Variants in KIF3B observed in about 807,000 individuals in gnomAD.
KIF3B encodes the protein kinesin-like protein KIF3B.
A neutral mutation model predicts 74.3 loss-of-function variants in KIF3B; 38 were observed. That is an observed-to-expected ratio of 0.51 (90% confidence interval 0.39 to 0.67). The LOEUF (loss-of-function observed/expected upper bound fraction) is 0.67, where lower values mean the gene tolerates loss of function less well. Among genes scored for constraint, KIF3B ranks in the 30% least tolerant of loss-of-function variants. The pLI is 0.00. For synonymous variants in KIF3B, 326 were observed against 342.5 expected, an observed-to-expected ratio of 0.95 and a Z score of 0.53; for missense variants, 649 against 932.0, an observed-to-expected ratio of 0.70 and a Z score of 3.95.
intron 1 of KIF3B, among the ~76,000 whole-genome samples, chr20:32,308,082 A>G (rs1476079266): frequency 6.6e-6 from 1 of 151,660 alleles, no homozygotes; most frequent in African/African-American, 2.4e-5. Flanking sequence ...TAAAAATACA[A>G]AAAATTAGCC....
At chr20:32,291,455 GA>G (rs2047690865) in intron 1 of KIF3B, among the ~76,000 whole-genome samples, 1 of 151,874 alleles carries the variant, frequency 6.6e-6, no homozygotes, top group South Asian at 2.1e-4. Flanking sequence ...CCCCACCCCT[GA>G]AAAAGATCCC....
intron 1 of KIF3B, among the ~76,000 whole-genome samples, chr20:32,287,946 A>C (rs1310627213): frequency 8.1e-6 from 1 of 123,002 alleles, no homozygotes; most frequent in Non-Finnish European, 1.6e-5. Context: ...GCAGTGGTGC[A>C]GTCTCAGCTC....
intron 1 of KIF3B, among the ~76,000 whole-genome samples, chr20:32,286,483 A>C (rs1228780475): frequency 6.6e-6 from 1 of 152,236 alleles, no homozygotes; most frequent in East Asian, 1.9e-4. Context: ...CTGGTTTTGC[A>C]AGATCTGCAA....
intron 1 of KIF3B, among the ~76,000 whole-genome samples, chr20:32,303,025 C>T (rs1041762603): frequency 1.3e-5 from 2 of 152,116 alleles, no homozygotes; most frequent in African/African-American, 2.4e-5. Context: ...CATTAACCAT[C>T]GTAGTGTTAG....
intron 1 of KIF3B, among the ~76,000 whole-genome samples, chr20:32,305,876 C>T: frequency 6.6e-6 from 1 of 151,660 alleles, no homozygotes; most frequent in East Asian, 1.9e-4. Flanking sequence ...GCCACCACAC[C>T]TGGCTCCATT....
rs903404740 is a variant in KIF3B at position 32,294,520 on chromosome 20, G to T, written c.-65-15193G>T. ...GAAAGCAAAAAAATAGCCTGCAGGC[G>T]CACCACCCTAGAGGTCAATATTACC... On this transcript the variant is annotated intron_variant, in intron 1 of 8. Coordinates refer to ENST00000375712, the MANE Select transcript of KIF3B (RefSeq NM_004798.4). Among the ~76,000 whole-genome samples, 5 of 152,228 alleles carry T rather than the reference G, an allele frequency of 3.3e-5. No homozygotes were observed. The South Asian group carries it at 6.2e-4, about 19-fold the overall frequency.
At position 32,316,572 on chromosome 20, in the gene KIF3B, GA is replaced by G; in HGVS notation, c.1553del (p.Glu518GlyfsTer34). ...CCAGCAACAGATGGAAAGTCGAGAT[GA>G]GGAGACCTTGGAACTTAAAGAGACA... Reference protein sequence around the residue: ...EIQQQMESRDEETLELKETYS... With the variant: ...EIQQQMESRDXETLELKETYS... On this transcript the variant is annotated frameshift_variant, in exon 4 of 9. Coordinates refer to ENST00000375712, the MANE Select transcript of KIF3B (RefSeq NM_004798.4). LOFTEE classifies it high-confidence loss of function. 1 of 1,614,082 alleles carries G rather than the reference GA, an allele frequency of 6.2e-7. No homozygotes were observed. Among genetic ancestry groups the G allele is most frequent in the Non-Finnish European group, 8.5e-7 (1 of 1,180,006 alleles).
At chr20:32,281,053 A>G (rs1216677724) in intron 1 of KIF3B, among the ~76,000 whole-genome samples, 1 of 152,192 alleles carries the variant, frequency 6.6e-6, no homozygotes, top group Non-Finnish European at 1.5e-5. Flanking sequence ...CTTTTCATCC[A>G]TTAATTCGCA....
intron 5 of KIF3B, among the ~76,000 whole-genome samples, chr20:32,324,156 G>C (rs951500019): frequency 6.6e-6 from 1 of 151,940 alleles, no homozygotes; most frequent in East Asian, 1.9e-4. Flanking sequence ...GGATTTGTTG[G>C]TCTCTTTCTT....
At chr20:32,304,846 G>C (rs2047761684) in intron 1 of KIF3B, among the ~76,000 whole-genome samples, 1 of 150,074 alleles carries the variant, frequency 6.7e-6, no homozygotes, top group Non-Finnish European at 1.5e-5. Flanking sequence ...AGAGCCTTTT[G>C]ATAAAAAAAA....
At chr20:32,297,100 T>C (rs2047720695) in intron 1 of KIF3B, among the ~76,000 whole-genome samples, 1 of 151,572 alleles carries the variant, frequency 6.6e-6, no homozygotes, top group African/African-American at 2.4e-5. Flanking sequence ...TCGCTTTTAC[T>C]TCTTGCTCGA....
intron 1 of KIF3B, among the ~76,000 whole-genome samples, chr20:32,299,612 A>G (rs1049835707): frequency 6.6e-5 from 10 of 151,034 alleles, no homozygotes; most frequent in African/African-American, 2.4e-4. Flanking sequence ...GGGTTTCGCC[A>G]TGTTGGCCAG....
chr20:32,289,993 T>G (rs1416983289), intron 1 of KIF3B, among the ~76,000 whole-genome samples: 3 of 152,116 alleles, frequency 2.0e-5, no homozygotes, highest in East Asian at 1.9e-4. Context: ...GCTGCCTGTC[T>G]TCTTCTAGTC....
At chr20:32,305,706 C>G (rs918930079) in intron 1 of KIF3B, among the ~76,000 whole-genome samples, 2 of 150,498 alleles carry the variant, frequency 1.3e-5, no homozygotes, top group African/African-American at 2.4e-5. Flanking sequence ...CCTCAAGTAG[C>G]TGGGATTACA....
At chr20:32,292,681 G>A (rs747134048) in intron 1 of KIF3B, among the ~76,000 whole-genome samples, 31 of 151,544 alleles carry the variant, frequency 2.0e-4, no homozygotes, top group Non-Finnish European at 2.7e-4. Context: ...TTGCTTGAGC[G>A]AGGAGTTCGA....
chr20:32,309,965 A>G lies in KIF3B; in HGVS notation c.188A>G (p.Tyr63Cys). Residue 63 changes from tyrosine to cysteine, a missense_variant, in exon 2 of 9, where the codon TAT becomes TGT. This residue lies in a region of KIF3B where 96 missense variants were observed against 119.0 expected (regional missense o/e 0.81). Coordinates refer to ENST00000375712, the MANE Select transcript of KIF3B (RefSeq NM_004798.4). Reference sequence around the variant, plus strand: ...AAGACCTTCACCTTTGATGCCGTCTATGACTGGAATGCCAAGCAGTTTGAA... The same window carrying G: ...AAGACCTTCACCTTTGATGCCGTCTGTGACTGGAATGCCAAGCAGTTTGAA... ...MPKTFTFDAV[Y>C]DWNAKQFELY... 1 of 1,614,198 alleles carries G rather than the reference A, an allele frequency of 6.2e-7. No homozygotes were observed. The highest frequency in any genetic ancestry group is 2.2e-5 in the East Asian group (1 of 44,888).
intron 1 of KIF3B, among the ~76,000 whole-genome samples, chr20:32,293,263 G>A (rs1245059689): frequency 6.6e-6 from 1 of 150,700 alleles, no homozygotes; most frequent in Non-Finnish European, 1.5e-5. Flanking sequence ...ATAAATGAGT[G>A]AATGAATGAA....
At position 32,283,884 on chromosome 20, in the gene KIF3B, T is replaced by G. The variant is rs528718313; in HGVS notation, c.-66+6119T>G. On this transcript the variant is annotated intron_variant, in intron 1 of 8. Transcript: ENST00000375712. ...TTGGCCACAAGTGATCCACTCACCT[T>G]GGCCTCTCAAAGTGCTGGGATTACA... Among the ~76,000 whole-genome samples the G allele has an allele frequency of 4.6e-5, 7 of 152,236 alleles. No individual in the cohort carries two copies. In the South Asian group the frequency reaches 1.5e-3, roughly 32 times the overall value.
At position 32,314,836 on chromosome 20, in the gene KIF3B, T is replaced by C. The variant is rs2047819252; in HGVS notation, c.1405-1382T>C. ...TCTCCTGCCATCCAGGCCCATTGTA[T>C]GTCTAGCCTAGCACTGTCTCCTGCC... On this transcript the variant is annotated intron_variant, in intron 2 of 8. Transcript: ENST00000375712. Among the ~76,000 whole-genome samples, 3 of 152,076 alleles carry C rather than the reference T, an allele frequency of 2.0e-5. No individual in the cohort carries two copies. The South Asian group carries it at 6.2e-4, about 32-fold the overall frequency.
Sources: allele counts gnomAD v4.1 joint callset (sites outside exome capture counted in the v4.1 genomes callset), GRCh38; gene constraint gnomAD v4.1.1; regional missense constraint gnomAD v4.1.1; transcripts MANE v1.5; gene names NCBI Gene and HGNC (gene_info 2026-07-23, HGNC 2026-07-21).